Variants in SELENBP1 observed in about 807,000 individuals in gnomAD.
SELENBP1 encodes the protein methanethiol oxidase.
SELENBP1 carries 71 observed loss-of-function variants against 61.0 expected under a neutral mutation model. The observed-to-expected ratio is 1.16, with a 90% confidence interval of 0.96 to 1.42. The LOEUF (loss-of-function observed/expected upper bound fraction) is 1.42, where lower values mean the gene tolerates loss of function less well. SELENBP1 is among the 40% of genes most tolerant of loss of function. The pLI, the probability that SELENBP1 is intolerant of heterozygous loss-of-function variation, is 0.00. For synonymous variants in SELENBP1, 270 were observed against 238.9 expected, an observed-to-expected ratio of 1.13 and a Z score of -1.20; for missense variants, 561 against 605.0, an observed-to-expected ratio of 0.93 and a Z score of 0.76.
At chr1:151,369,862 G>A (rs1257077029) in intron 1 of SELENBP1, 93 bp from the exon 2 acceptor site, 35 of 1,551,268 alleles carry the variant, frequency 2.3e-5, no homozygotes, top group Admixed American at 3.9e-5. Context: ...AGCGGGCCAC[G>A]GCAGTGCGGC....
intron 4 of SELENBP1, 83 bp from the exon 5 acceptor site, chr1:151,368,402 C>T: frequency 6.5e-7 from 1 of 1,539,862 alleles, no homozygotes; most frequent in South Asian, 1.2e-5. Flanking sequence ...CTACTTCTAT[C>T]TGCTGACTCT....
At chr1:151,368,350 A>T (rs1340807780) in intron 4 of SELENBP1, 31 bp from the exon 5 acceptor site, 2 of 1,611,606 alleles carry the variant, frequency 1.2e-6, no homozygotes, top group Non-Finnish European at 8.5e-7. Flanking sequence ...TGTCAGAATC[A>T]TACAGGACTG....
At chr1:151,372,380 GC>G (rs1366262985) in intron 1 of SELENBP1, among the ~76,000 whole-genome samples, 3 of 152,162 alleles carry the variant, frequency 2.0e-5, no homozygotes, top group African/African-American at 7.2e-5. Context: ...CCCAGCCTCT[GC>G]TGGATGGAGC....
At chr1:151,365,995 GC>G (rs1651796074) in intron 7 of SELENBP1, 149 bp from the exon 8 acceptor site, 1 of 836,134 alleles carries the variant, frequency 1.2e-6, no homozygotes, top group Non-Finnish European at 1.9e-6. Context: ...CTCCATGCAA[GC>G]CCCTTGAGGC....
At position 151,372,645 on chromosome 1, in the gene SELENBP1, G is replaced by A; in HGVS notation, c.-4C>T. 6.2e-7 allele frequency: 1 copy of A among 1,614,192 alleles called. No individual in the cohort carries two copies. Among genetic ancestry groups the A allele is most frequent in the Non-Finnish European group, 8.5e-7 (1 of 1,180,030 alleles). ...GGAAACCCCTCTCCTTACCCATGCT[G>A]CCGACTGGTACACTTTGATCCCGGC... On this transcript the variant is annotated 5_prime_UTR_variant, in exon 1 of 12. Coordinates refer to ENST00000368868, the MANE Select transcript of SELENBP1 (RefSeq NM_003944.4).
chr1:151,368,723 G>A (rs1651980740), intron 4 of SELENBP1, among the ~76,000 whole-genome samples: 1 of 152,196 alleles, frequency 6.6e-6, no homozygotes, highest in African/African-American at 2.4e-5. Flanking sequence ...AGAACCCTGA[G>A]CTCCTAACTG....
In SELENBP1 at chr1:151,368,337, T is replaced by C. The variant is rs1227400612; in HGVS notation, c.361-18A>G. 1.2e-6 allele frequency: 2 copies of C among 1,613,680 alleles called. No individual in the cohort carries two copies. Among genetic ancestry groups the C allele is most frequent in the Non-Finnish European group, 1.7e-6 (2 of 1,179,614 alleles). The stretch of plus-strand genomic sequence containing the variant: ...TCAATGACCTGGAAGGGGTGGGGAA[T>C]GGTGTCAGAATCATACAGGACTGGG... On this transcript the variant is annotated intron_variant, in intron 4 of 11. Transcript: ENST00000368868.
chr1:151,366,485 C>T, intron 6 of SELENBP1, 32 bp from the exon 7 acceptor site: 2 of 1,602,116 alleles, frequency 1.2e-6, no homozygotes, highest in East Asian at 2.2e-5. Context: ...AGGATAGGCT[C>T]AGCATCAGAG....
At chr1:151,369,870 G>A (rs576225472) in intron 1 of SELENBP1, 101 bp from the exon 2 acceptor site, 3 of 1,551,108 alleles carry the variant, frequency 1.9e-6, no homozygotes, top group Middle Eastern at 1.7e-4. Context: ...ACGGCAGTGC[G>A]GCTGGCCTAG....
intron 1 of SELENBP1, among the ~76,000 whole-genome samples, chr1:151,372,435 C>T (rs1038934683): frequency 1.3e-5 from 2 of 151,868 alleles, no homozygotes; most frequent in Admixed American, 6.6e-5. Flanking sequence ...TGCCTCTGCC[C>T]GTCTTCCTCA....
Position 151,365,554 on chromosome 1 carries a change from G to C in SELENBP1, c.1044+9C>G. The C allele has an allele frequency of 1.9e-6, 3 of 1,613,788 alleles. No homozygotes were observed. The highest frequency in any genetic ancestry group is 2.5e-6 in the Non-Finnish European group (3 of 1,179,912). On this transcript the variant is annotated intron_variant, in intron 9 of 11. Transcript: ENST00000368868. ...CCTTCCCTTCTGCTCCTCCTGCCAGGGTCTCCACCTGTCCTGTGAGGCGGG... is the reference window on the plus strand; with the variant it reads ...CCTTCCCTTCTGCTCCTCCTGCCAGCGTCTCCACCTGTCCTGTGAGGCGGG...
intron 4 of SELENBP1, among the ~76,000 whole-genome samples, chr1:151,368,649 A>C (rs1386695192): frequency 6.6e-6 from 1 of 152,210 alleles, no homozygotes; most frequent in African/African-American, 2.4e-5. Flanking sequence ...AGTAGACAAC[A>C]CAGTAAATGC....
Position 151,366,947 on chromosome 1 carries a change from G to A in SELENBP1, c.482-43C>T. 3 of 1,599,336 alleles carry A rather than the reference G, an allele frequency of 1.9e-6. No individual in the cohort carries two copies. The African/African-American group carries it at 4.0e-5, about 21-fold the overall frequency. ...CAGGGTGGCAGGTAGAAGCAGTAGA[G>A]ACACTAACCCCACCCTCCAGCCCTC... is the stretch of plus-strand genomic sequence containing the variant. On this transcript the variant is annotated intron_variant, in intron 5 of 11. Coordinates refer to ENST00000368868, the MANE Select transcript of SELENBP1 (RefSeq NM_003944.4).
intron 1 of SELENBP1, among the ~76,000 whole-genome samples, chr1:151,371,950 A>G (rs913273431): frequency 8.8e-5 from 12 of 136,288 alleles, no homozygotes; most frequent in Non-Finnish European, 1.7e-4. Context: ...TGGGTTTTCC[A>G]TGTCAGGCTG....
chr1:151,366,455 T>C lies in SELENBP1; in HGVS notation c.665-2A>G, dbSNP rs879125125. On this transcript the variant is annotated splice_acceptor_variant, in intron 6 of 11. Coordinates refer to ENST00000368868, the MANE Select transcript of SELENBP1 (RefSeq NM_003944.4). LOFTEE classifies it high-confidence loss of function. Reference sequence around the variant, plus strand: ...CATATAAGTGGCTCCCGTACAGTCCTGGGGTGGGAGTGGGGCCGGAGGATA... The same window carrying C: ...CATATAAGTGGCTCCCGTACAGTCCCGGGGTGGGAGTGGGGCCGGAGGATA... 6.2e-7 allele frequency: 1 copy of C among 1,610,574 alleles called. No individual in the cohort carries two copies. Among genetic ancestry groups the C allele is most frequent in the Non-Finnish European group, 8.5e-7 (1 of 1,177,572 alleles).
intron 1 of SELENBP1, among the ~76,000 whole-genome samples, chr1:151,371,122 G>A (rs1379476408): frequency 6.6e-6 from 1 of 152,220 alleles, no homozygotes; most frequent in East Asian, 1.9e-4. Context: ...GGTGGCTCAT[G>A]CCTGTAATCC....
rs766966467 is a variant in SELENBP1, at chr1:151,366,357, C to T, written c.761G>A (p.Arg254His). Reference protein sequence around the residue: ...LKDGLIPLEIRFLHNPDAAQG... With the variant: ...LKDGLIPLEIHFLHNPDAAQG... ...GGCAGCGTCTGGGTTGTGCAGGAAG[C>T]GGATCTCCAAGGGAATAAGCCCATC... The change falls in exon 7 of 12, where the codon CGC becomes CAC. Residue 254 changes from arginine (R) to histidine (H), a missense_variant. Physicochemically the swap from Arg to His is conservative, Grantham distance 29 (BLOSUM62 0). Coordinates refer to ENST00000368868, the MANE Select transcript of SELENBP1 (RefSeq NM_003944.4). 126 of 1,614,156 alleles carry T rather than the reference C, an allele frequency of 7.8e-5. 1 individual carries two copies. The highest frequency in any genetic ancestry group is 4.9e-4 in the Middle Eastern group (3 of 6,062).
In SELENBP1 at chr1:151,365,473, A is replaced by G. The variant is rs190259138; in HGVS notation, c.1044+90T>C. 4.8e-5 allele frequency: 76 copies of G among 1,590,822 alleles called. No individual in the cohort carries two copies. The East Asian group carries it at 1.6e-3, about 34-fold the overall frequency. On this transcript the variant is annotated intron_variant, in intron 9 of 11. Transcript: ENST00000368868. The stretch of plus-strand genomic sequence containing the variant: ...CTGCTTTTCCTGCACCTCCCTCAAC[A>G]TCCTGCAGCTGCTTCAGATCATCCA...
rs1044748272 is a variant in SELENBP1, at chr1:151,364,336, G to A, written c.*207C>T. 1.7e-6 allele frequency: 1 copy of A among 602,258 alleles called. No individual in the cohort carries two copies. 37.3% of individuals were successfully genotyped at this position (602,258 alleles called of 1,614,324 possible). The stretch of plus-strand genomic sequence containing the variant: ...CAGGGTTACGAGTTTATTTCTTGGT[G>A]CCTCCAAGAGCTCATGGAAAAGCAG... On this transcript the variant is annotated 3_prime_UTR_variant, in exon 12 of 12. Transcript: ENST00000368868.
Sources: allele counts gnomAD v4.1 joint callset (sites outside exome capture counted in the v4.1 genomes callset), GRCh38; gene constraint gnomAD v4.1.1; transcripts MANE v1.5; gene names NCBI Gene and HGNC (gene_info 2026-07-23, HGNC 2026-07-21).